Variants in ATIC observed in about 807,000 individuals in gnomAD.
The protein encoded by ATIC is 5-aminoimidazole-4-carboxamide ribonucleotide formyltransferase/IMP cyclohydrolase.
In ATIC, 64 loss-of-function variants were observed where a neutral mutation model predicts 72.5. The ratio of observed to expected loss-of-function variants is 0.88; its 90% CI spans 0.72 to 1.09. The LOEUF (loss-of-function observed/expected upper bound fraction) is 1.09, where lower values mean the gene tolerates loss of function less well. ATIC is among the 50% of genes least tolerant of loss of function. The pLI is 0.00. For synonymous variants in ATIC, 281 were observed against 267.1 expected, an observed-to-expected ratio of 1.05 and a Z score of -0.51; for missense variants, 787 against 732.4, an observed-to-expected ratio of 1.07 and a Z score of -0.86.
chr2:215,367,205 A>T, the ATIC span, among the ~76,000 whole-genome samples: 1 of 152,228 alleles, frequency 6.6e-6, no homozygotes, highest in African/African-American at 2.4e-5. Flanking sequence ...ATAAATTCTA[A>T]TCCTAATCTC....
chr2:215,338,779 A>T lies in ATIC; in HGVS notation c.1099A>T (p.Met367Leu), dbSNP rs1341213852. The change falls in exon 12 of 16, where the codon ATG becomes TTG. Residue 367 changes from methionine to leucine, a missense_variant and splice_region_variant. Met to Leu is a conservative substitution (Grantham distance 15). Coordinates refer to ENST00000236959, the MANE Select transcript of ATIC (RefSeq NM_004044.7). Reference protein sequence around the residue: ...KKNGNYCVLQMDQSYKPDENE... With the variant: ...KKNGNYCVLQLDQSYKPDENE... ...TTAACTTTTAAAATTTGTATTTTAG[A>T]TGGACCAATCTTACAAACCAGATGA... 4 of 1,613,360 alleles carry T rather than the reference A, an allele frequency of 2.5e-6. No homozygotes were observed. Among genetic ancestry groups the T allele is most frequent in the Non-Finnish European group, 3.4e-6 (4 of 1,179,668 alleles).
the ATIC span, among the ~76,000 whole-genome samples, chr2:215,356,305 A>G: frequency 6.6e-6 from 1 of 152,226 alleles, no homozygotes; most frequent in Non-Finnish European, 1.5e-5. Flanking sequence ...AATGATGTCT[A>G]TTTATGGATA....
At position 215,332,491 on chromosome 2, in the gene ATIC, A is replaced by G; in HGVS notation, c.798A>G (p.Lys266=). The part of the protein sequence containing the change: ...ALGIPAAASF[K]HVSPAGAAVG... ...GTATTCCAGCCGCTGCCTCTTTCAAACATGTCAGCCCAGCAGGTAAAGCTC... is the reference window on the plus strand; with the variant it reads ...GTATTCCAGCCGCTGCCTCTTTCAAGCATGTCAGCCCAGCAGGTAAAGCTC... The change falls in exon 8 of 16, where the codon AAA becomes AAG. Residue 266 remains lysine, a synonymous_variant. Coordinates refer to ENST00000236959, the MANE Select transcript of ATIC (RefSeq NM_004044.7). 6.2e-7 allele frequency: 1 copy of G among 1,614,112 alleles called. No homozygotes were observed. The highest frequency in any genetic ancestry group is 8.5e-7 in the Non-Finnish European group (1 of 1,180,034).
At chr2:215,347,923 G>T (rs960092780) in intron 14 of ATIC, among the ~76,000 whole-genome samples, 1 of 152,150 alleles carries the variant, frequency 6.6e-6, no homozygotes, top group Non-Finnish European at 1.5e-5. Flanking sequence ...CATAGTTCTG[G>T]AGGCTGTGAA....
chr2:215,356,033 C>G, the ATIC span, among the ~76,000 whole-genome samples: 1 of 152,208 alleles, frequency 6.6e-6, no homozygotes, highest in African/African-American at 2.4e-5. Context: ...TCCCAGTTCT[C>G]CTACTTACAA....
Position 215,318,206 on chromosome 2 carries a change from A to G in ATIC, c.196A>G (p.Lys66Glu), listed in dbSNP as rs1482054722. The G allele has an allele frequency of 1.9e-6, 3 of 1,614,138 alleles. No individual in the cohort carries two copies. The highest frequency in any genetic ancestry group is 2.5e-6 in the Non-Finnish European group (3 of 1,179,976). Reference sequence around the variant, plus strand: ...TCCTGAAATGTTGGGGGGACGTGTGAAAACTTTGCATCCTGCAGTCCATGC... The same window carrying G: ...TCCTGAAATGTTGGGGGGACGTGTGGAAACTTTGCATCCTGCAGTCCATGC... ...GFPEMLGGRV[K>E]TLHPAVHAGI... Residue 66 changes from lysine (K) to glutamate (E), a missense_variant, in exon 3 of 16, where the codon AAA (lysine) becomes GAA (glutamate). Coordinates refer to ENST00000236959, the MANE Select transcript of ATIC (RefSeq NM_004044.7).
At chr2:215,362,143 T>C in the ATIC span, 6 of 1,274,054 alleles carry the variant, frequency 4.7e-6, no homozygotes, top group East Asian at 2.3e-5. Flanking sequence ...CGTAATTTAG[T>C]GTTTGAGTTA....
intron 2 of ATIC, among the ~76,000 whole-genome samples, chr2:215,314,343 C>T (rs2052686480): frequency 6.6e-6 from 1 of 152,168 alleles, no homozygotes; most frequent in African/African-American, 2.4e-5. Flanking sequence ...GTATTTTATT[C>T]AGTTGCAGTG....
chr2:215,312,066 C>G lies in ATIC; in HGVS notation c.-77C>G, dbSNP rs967475987. The G allele has an allele frequency of 1.6e-5, 24 of 1,522,490 alleles. No homozygotes were observed. The African/African-American group carries it at 2.4e-4, about 15-fold the overall frequency. The allele number at this position is 1,522,490 out of a possible 1,614,324, so 94.3% of individuals were successfully genotyped here. A position where few individuals can be genotyped will look rare whatever the true frequency, so the allele number is the denominator to read the frequency against. ...CCCCTCGCTTCCTGAGCCGCCACAT[C>G]CCGGCAGCCCTCCTACCTGCGCACG... is the stretch of plus-strand genomic sequence containing the variant. On this transcript the variant is annotated 5_prime_UTR_variant, in exon 1 of 16. In the 5' UTR this introduces an upstream ATG that the reference lacks. Transcript: ENST00000236959.
chr2:215,353,777 G>C (rs1455239434), downstream of ATIC, among the ~76,000 whole-genome samples: 1 of 152,062 alleles, frequency 6.6e-6, no homozygotes, highest in Non-Finnish European at 1.5e-5. Flanking sequence ...AGCCAGGCTG[G>C]TCTCGAACTC....
At position 215,318,167 on chromosome 2, in the gene ATIC, G is replaced by GAGTT. The variant is rs763823990; in HGVS notation, c.158_161dup (p.Thr55ValfsTer6). 1.1e-5 allele frequency: 18 copies of GAGTT among 1,614,046 alleles called. No homozygotes were observed. The South Asian group carries it at 2.0e-4, about 18-fold the overall frequency. ...TTATCTGTTTTTCAGAGATGTCTCT[G>GAGTT]AGTTGACGGGATTTCCTGAAATGTT... On this transcript the variant is annotated frameshift_variant, in exon 3 of 16. Coordinates refer to ENST00000236959, the MANE Select transcript of ATIC (RefSeq NM_004044.7). LOFTEE classifies it high-confidence loss of function.
chr2:215,359,479 G>A, the ATIC span, among the ~76,000 whole-genome samples: 2 of 152,132 alleles, frequency 1.3e-5, no homozygotes, highest in Non-Finnish European at 2.9e-5. Context: ...TGAGACAGTC[G>A]TTTAATATCA....
downstream of ATIC, among the ~76,000 whole-genome samples, chr2:215,352,858 G>A (rs548369671): frequency 4.1e-4 from 32 of 78,002 alleles, no homozygotes; most frequent in South Asian, 0.019. Flanking sequence ...ATTGACTGAA[G>A]ATTTTTGGTC....
chr2:215,341,418 T>C (rs1194014103), intron 12 of ATIC, among the ~76,000 whole-genome samples: 1 of 152,218 alleles, frequency 6.6e-6, no homozygotes, highest in Non-Finnish European at 1.5e-5. Flanking sequence ...GTTTTGTGCC[T>C]CTGGATATTT....
At chr2:215,362,294 T>C in the ATIC span, 887 of 560,454 alleles carry the variant, frequency 1.6e-3, 13 homozygotes, top group South Asian at 0.017. Context: ...TGTCTCTCTA[T>C]GTTGTTTCTT....
In ATIC at chr2:215,346,887, G is replaced by T. The variant is rs2053076899; in HGVS notation, c.1449G>T (p.Lys483Asn). The T allele has an allele frequency of 6.2e-7, 1 of 1,614,102 alleles. No homozygotes were observed. The highest frequency in any genetic ancestry group is 8.5e-7 in the Non-Finnish European group (1 of 1,180,048). ...CGATGAAGTTTAAAACAGGAGTGAAGAGAGCAGAAATCTCCAATGCCATCG... is the reference window on the plus strand; with the variant it reads ...CGATGAAGTTTAAAACAGGAGTGAATAGAGCAGAAATCTCCAATGCCATCG... ...VLSMKFKTGV[K>N]RAEISNAIDQ... The change falls in exon 14 of 16, where the codon AAG (lysine) becomes AAT (asparagine). Residue 483 changes from lysine to asparagine, a missense_variant. Coordinates refer to ENST00000236959, the MANE Select transcript of ATIC (RefSeq NM_004044.7).
At chr2:215,338,710 A>G (rs2052983654) in intron 11 of ATIC, 69 bp from the exon 12 acceptor site, 3 of 1,506,418 alleles carry the variant, frequency 2.0e-6, no homozygotes, top group African/African-American at 1.4e-5. Flanking sequence ...AATCTTTTGT[A>G]TATAAATTAA....
the ATIC span, among the ~76,000 whole-genome samples, chr2:215,359,813 ATACCTTCTTTCATTG>A: frequency 3.3e-5 from 5 of 152,144 alleles, no homozygotes; most frequent in African/African-American, 1.2e-4. Context: ...GTTTATTGAA[ATACCTTCTTTCATTG>A]TACATTAGTA....
At chr2:215,343,989 C>G (rs571452613) in intron 12 of ATIC, among the ~76,000 whole-genome samples, 1 of 152,264 alleles carries the variant, frequency 6.6e-6, no homozygotes, top group Admixed American at 6.5e-5. Context: ...TTAAGTTATT[C>G]TAAACAAAAG....
Sources: allele counts gnomAD v4.1 joint callset (sites outside exome capture counted in the v4.1 genomes callset), GRCh38; gene constraint gnomAD v4.1.1; transcripts MANE v1.5; gene names NCBI Gene and HGNC (gene_info 2026-07-23, HGNC 2026-07-21).